Variants in PLEKHM3 observed in about 807,000 individuals in gnomAD.
PLEKHM3 encodes the protein pleckstrin homology domain-containing family M member 3.
PLEKHM3 carries 45 observed loss-of-function variants against 81.8 expected under a neutral mutation model. The ratio of observed to expected loss-of-function variants is 0.55; its 90% confidence interval spans 0.43 to 0.71. The LOEUF (loss-of-function observed/expected upper bound fraction) is 0.71. PLEKHM3 is among the 30% of genes least tolerant of loss of function. The pLI, the probability that PLEKHM3 is intolerant of heterozygous loss-of-function variation, is 0.00. For missense variants in PLEKHM3, 788 were observed against 924.3 expected (o/e 0.85, Z 1.91); for synonymous variants, 352 against 356.4 (o/e 0.99, Z 0.14).
At chr2:207,975,582 CTTTTTTTTTTTTTT>C (rs11350409) in intron 3 of PLEKHM3, among the ~76,000 whole-genome samples, 1,875 of 63,210 alleles carry the variant, frequency 0.03, 60 homozygotes, top group Middle Eastern at 0.11. Flanking sequence ...GTTTTAAAAG[CTTTTTTTTTTTTTT>C]TTTTTTTTTT....
At chr2:207,916,089 A>G (rs1688984195) in intron 5 of PLEKHM3, among the ~76,000 whole-genome samples, 1 of 152,218 alleles carries the variant, frequency 6.6e-6, no homozygotes, top group African/African-American at 2.4e-5. Context: ...ATAGCAGCCC[A>G]TGTGGAAGAA....
intron 5 of PLEKHM3, among the ~76,000 whole-genome samples, chr2:207,910,432 A>G (rs1688775080): frequency 6.6e-6 from 1 of 152,214 alleles, no homozygotes; most frequent in Non-Finnish European, 1.5e-5. Flanking sequence ...CACTGGAGAT[A>G]CATCATTTTA....
intron 4 of PLEKHM3, among the ~76,000 whole-genome samples, chr2:207,943,687 T>C (rs912825467): frequency 7.3e-5 from 11 of 151,422 alleles, no homozygotes; most frequent in Non-Finnish European, 1.3e-4. Context: ...GCTAGAACGG[T>C]GAAACCCCGT....
intron 2 of PLEKHM3, among the ~76,000 whole-genome samples, chr2:207,993,227 G>C (rs554106565): frequency 1.2e-3 from 180 of 152,236 alleles, no homozygotes; most frequent in Non-Finnish European, 2.1e-3. Context: ...GGCATATTGG[G>C]TTTCCAAATA....
In PLEKHM3 at chr2:207,931,071, G is replaced by C. The variant is rs1471943901; in HGVS notation, c.1741C>G (p.Leu581Val). ...EFLEYVYEEP[L>V]IDIQQENAML... Reference sequence around the variant, plus strand: ...GCGTTCTCCTGCTGGATGTCGATGAGCGGCTCTTCGTACACGTACTCCAGA... The same window carrying C: ...GCGTTCTCCTGCTGGATGTCGATGACCGGCTCTTCGTACACGTACTCCAGA... Residue 581 changes from leucine to valine, a missense_variant, in exon 5 of 8, where the codon CTC becomes GTC. Transcript: ENST00000427836. 6.2e-7 allele frequency: 1 copy of C among 1,613,914 alleles called. No individual in the cohort carries two copies.
intron 6 of PLEKHM3, among the ~76,000 whole-genome samples, chr2:207,875,971 A>G (rs1224894995): frequency 2.6e-5 from 4 of 152,252 alleles, no homozygotes; most frequent in Non-Finnish European, 5.9e-5. Context: ...ATGTGTATAC[A>G]TGCCCAAATA....
chr2:207,862,947 T>G (rs1463278621), intron 6 of PLEKHM3, among the ~76,000 whole-genome samples: 1 of 152,208 alleles, frequency 6.6e-6, no homozygotes, highest in Non-Finnish European at 1.5e-5. Context: ...AAGCCAAGGC[T>G]AGGCTTTGGG....
chr2:207,864,788 A>G (rs1024386923), intron 6 of PLEKHM3, among the ~76,000 whole-genome samples: 1 of 152,224 alleles, frequency 6.6e-6, no homozygotes, highest in Non-Finnish European at 1.5e-5. Flanking sequence ...AGCTCTGGGG[A>G]TTGGTATCTG....
chr2:208,011,080 A>C (rs1419911770), intron 1 of PLEKHM3, among the ~76,000 whole-genome samples: 16 of 151,932 alleles, frequency 1.1e-4, no homozygotes, highest in African/African-American at 2.9e-4. Flanking sequence ...AAAAAAAAAA[A>C]AAACAAAATA....
chr2:207,919,335 C>A (rs1055551676), intron 5 of PLEKHM3, among the ~76,000 whole-genome samples: 2 of 152,022 alleles, frequency 1.3e-5, no homozygotes, highest in Admixed American at 6.6e-5. Context: ...GGAGATGAGA[C>A]CACGTATGCC....
chr2:207,944,710 G>C (rs1690064210), intron 4 of PLEKHM3, among the ~76,000 whole-genome samples: 1 of 152,084 alleles, frequency 6.6e-6, no homozygotes, highest in South Asian at 2.1e-4. Flanking sequence ...TGGCCCCTAT[G>C]GCTGCAGACA....
intron 2 of PLEKHM3, 101 bp downstream of exon 2, chr2:208,000,929 G>A: frequency 2.7e-6 from 3 of 1,118,676 alleles, no homozygotes; most frequent in Non-Finnish European, 3.7e-6. Flanking sequence ...AACCAACAAT[G>A]ATTCAGTAGA....
At chr2:207,929,925 A>G in intron 5 of PLEKHM3, 1 of 699,564 alleles carries the variant, frequency 1.4e-6, no homozygotes, top group Non-Finnish European at 2.6e-6. Context: ...TGACTAATGC[A>G]TGCTGCTGGT....
At chr2:207,937,794 C>T (rs1033826513) in intron 4 of PLEKHM3, among the ~76,000 whole-genome samples, 1 of 151,968 alleles carries the variant, frequency 6.6e-6, no homozygotes, top group African/African-American at 2.4e-5. Flanking sequence ...GTGTTTATTC[C>T]CATCTCTATC....
At chr2:207,910,036 A>T (rs1479120706) in intron 5 of PLEKHM3, among the ~76,000 whole-genome samples, 29 of 152,202 alleles carry the variant, frequency 1.9e-4, no homozygotes, top group Admixed American at 1.9e-3. Context: ...CCTCTCCCGG[A>T]AAGTAGGAAA....
chr2:207,837,874 G>A (rs1199259213), intron 7 of PLEKHM3, among the ~76,000 whole-genome samples: 1 of 142,992 alleles, frequency 7.0e-6, no homozygotes, highest in African/African-American at 2.6e-5. Context: ...GGGTTCAAGC[G>A]ATTCTCCTGC....
chr2:207,979,526 C>A, intron 2 of PLEKHM3, among the ~76,000 whole-genome samples: 1 of 147,642 alleles, frequency 6.8e-6, no homozygotes, highest in Non-Finnish European at 1.5e-5. Context: ...AAGAGTGAAA[C>A]GCCGTCTCAG....
At chr2:207,974,287 C>T (rs140869653) in intron 3 of PLEKHM3, among the ~76,000 whole-genome samples, 92 of 152,216 alleles carry the variant, frequency 6.0e-4, no homozygotes, top group Middle Eastern at 3.4e-3. Context: ...CTCCAGCTGC[C>T]GGATGCGAAT....
chr2:207,967,430 T>G (rs1338976858), intron 3 of PLEKHM3, among the ~76,000 whole-genome samples: 1 of 152,242 alleles, frequency 6.6e-6, no homozygotes, highest in Non-Finnish European at 1.5e-5. Context: ...TGAATATAAA[T>G]AGAGGACTAT....
Sources: gnomAD v4.1 joint callset for allele counts (sites outside exome capture counted in the v4.1 genomes callset) on GRCh38, gnomAD v4.1.1 for gene constraint, MANE v1.5 for transcripts, NCBI Gene and HGNC (gene_info 2026-07-23, HGNC 2026-07-21) for gene names.